Variants in BBS2 observed in about 807,000 individuals in gnomAD.
BBS2 encodes BBSome complex member BBS2.
A neutral mutation model predicts 83.0 loss-of-function variants in BBS2; 62 were observed. That is an observed-to-expected ratio of 0.75 (90% CI 0.61 to 0.92). BBS2 has a LOEUF of 0.92. Among genes scored for constraint, BBS2 ranks in the 40% least tolerant of loss-of-function variants. BBS2 has a pLI of 0.00. For synonymous variants in BBS2, 303 were observed against 326.1 expected, an observed-to-expected ratio of 0.93 and a Z score of 0.76; for missense variants, 784 against 901.0, an observed-to-expected ratio of 0.87 and a Z score of 1.66.
downstream of BBS2, among the ~76,000 whole-genome samples, chr16:56,479,473 G>A (rs927467177): frequency 3.3e-5 from 5 of 151,978 alleles, no homozygotes; most frequent in Admixed American, 6.6e-5. Context: ...ACAAGAATCC[G>A]TCTCAAAAAA....
intron 1 of BBS2, among the ~76,000 whole-genome samples, chr16:56,516,597 C>T (rs553644224): frequency 7.4e-4 from 112 of 152,088 alleles, no homozygotes; most frequent in Admixed American, 1.3e-3. Context: ...GGGTTTCAGT[C>T]GGCCAGGTTG....
chr16:56,498,739 C>G, intron 12 of BBS2, 171 bp from the exon 13 acceptor site: 3 of 1,504,106 alleles, frequency 2.0e-6, no homozygotes, highest in Non-Finnish European at 2.7e-6. Flanking sequence ...TCATCCCACA[C>G]CAAGAAAATA....
chr16:56,470,487 G>C (rs1164727630), exon 18 of BBS2: 2 of 1,597,390 alleles, frequency 1.3e-6, no homozygotes, highest in East Asian at 2.2e-5. Context: ...TGTTTTTCAG[G>C]TTTTATGAGA....
Position 56,504,128 on chromosome 16 carries a change from T to A in BBS2, c.805-1320A>T, listed in dbSNP as rs79133890. Among the ~76,000 whole-genome samples, 5 of 152,236 alleles carry A rather than the reference T, an allele frequency of 3.3e-5. No individual in the cohort carries two copies. The East Asian group carries it at 9.7e-4, about 29-fold the overall frequency. ...CAGCCTACCCCTTGTCTACAGTATA[T>A]CACTGTCAAGTATTAATGCTATTAA... On this transcript the variant is annotated intron_variant, in intron 7 of 16. Coordinates refer to ENST00000245157, the MANE Select transcript of BBS2 (RefSeq NM_031885.5).
In BBS2 at chr16:56,506,223, A is replaced by G. The variant is rs1208235962; in HGVS notation, c.614T>C (p.Ile205Thr). ...EIVAEMTETE[I>T]VTSLCPMYGS... ...ATACATGGGACAAAGAGAGGTGACTATCTGCAAAACAATCCACAAAAACAC... is the reference window on the plus strand; with the variant it reads ...ATACATGGGACAAAGAGAGGTGACTGTCTGCAAAACAATCCACAAAAACAC... The change falls in exon 6 of 17, where the codon ATA becomes ACA. Residue 205 changes from isoleucine to threonine, a missense_variant and splice_region_variant. Transcript: ENST00000245157. 1 of 1,611,456 alleles carries G rather than the reference A, an allele frequency of 6.2e-7. No homozygotes were observed. Among genetic ancestry groups the G allele is most frequent in the Non-Finnish European group, 8.5e-7 (1 of 1,177,886 alleles).
chr16:56,476,116 A>G, intron 17 of BBS2: 1 of 1,613,958 alleles, frequency 6.2e-7, no homozygotes. Context: ...GAAATTTGTC[A>G]AGCATATTAA....
chr16:56,471,108 T>C (rs1235437893), intron 17 of BBS2, among the ~76,000 whole-genome samples: 1 of 151,882 alleles, frequency 6.6e-6, no homozygotes, highest in African/African-American at 2.4e-5. Context: ...TCCCAGCACT[T>C]TTGGAGGCGG....
intron 17 of BBS2, among the ~76,000 whole-genome samples, chr16:56,474,370 G>A (rs1963354623): frequency 6.7e-6 from 1 of 148,864 alleles, no homozygotes; most frequent in African/African-American, 2.5e-5. Flanking sequence ...GCCCAGGCTG[G>A]AGTGTAATGG....
intron 17 of BBS2, among the ~76,000 whole-genome samples, chr16:56,472,876 AC>A (rs1367092239): frequency 1.3e-5 from 2 of 152,054 alleles, no homozygotes; most frequent in Non-Finnish European, 2.9e-5. Flanking sequence ...AGGTTTGCAC[AC>A]CCTCCTCACT....
At chr16:56,474,703 A>C (rs1963374539) in intron 17 of BBS2, 3 of 688,364 alleles carry the variant, frequency 4.4e-6, no homozygotes, top group Non-Finnish European at 7.1e-6. Flanking sequence ...ATAGCACTTC[A>C]ATCAAAGGTT....
At chr16:56,488,267 G>A (rs780463820) in intron 15 of BBS2, among the ~76,000 whole-genome samples, 5 of 152,078 alleles carry the variant, frequency 3.3e-5, no homozygotes, top group Non-Finnish European at 5.9e-5. Context: ...GTTCCGACAC[G>A]ATTCCCCCGG....
chr16:56,511,381 G>A, intron 2 of BBS2, 97 bp from the exon 3 acceptor site: 6 of 1,521,614 alleles, frequency 3.9e-6, no homozygotes, highest in Non-Finnish European at 5.4e-6. Context: ...CAGATTTTGA[G>A]TAAAACAGAT....
rs1047075022 is a variant in BBS2, at chr16:56,506,119, C to T, written c.717+1G>A. 20 of 1,613,088 alleles carry T rather than the reference C, an allele frequency of 1.2e-5. No homozygotes were observed. Among genetic ancestry groups the T allele is most frequent in the Non-Finnish European group, 1.5e-5 (18 of 1,179,198 alleles). ...AATATCAAAGGCTAAATTATACTAA[C>T]TTTAATTCTCCAGTATCGGGATGTT... On this transcript the variant is annotated splice_donor_variant, in intron 6 of 16. Transcript: ENST00000245157. LOFTEE classifies it high-confidence loss of function.
chr16:56,475,085 A>T (rs1963396458), intron 17 of BBS2: 1 of 912,744 alleles, frequency 1.1e-6, no homozygotes, highest in South Asian at 1.7e-5. Context: ...TCTCAAAGTC[A>T]AAGGGATTTT....
chr16:56,511,042 T>C, intron 3 of BBS2, 117 bp downstream of exon 3: 3 of 1,566,784 alleles, frequency 1.9e-6, no homozygotes, highest in Admixed American at 1.7e-5. Context: ...ATTATTCATA[T>C]CCTTTTTTAA....
chr16:56,507,798 T>C (rs955850416), intron 5 of BBS2, among the ~76,000 whole-genome samples: 1 of 151,910 alleles, frequency 6.6e-6, no homozygotes, highest in African/African-American at 2.4e-5. Flanking sequence ...CGAAACCCCA[T>C]CTCTACTAAA....
chr16:56,503,498 A>G lies in BBS2; in HGVS notation c.805-690T>C, dbSNP rs1597017545. Reference sequence around the variant, plus strand: ...AGAGTTCCTCTTCCACATAAAAACTATTCAGATACTTTAGAGAGCTCTCCT... The same window carrying G: ...AGAGTTCCTCTTCCACATAAAAACTGTTCAGATACTTTAGAGAGCTCTCCT... On this transcript the variant is annotated intron_variant, in intron 7 of 16. Transcript: ENST00000245157. Among the ~76,000 whole-genome samples, 4 of 152,218 alleles carry G rather than the reference A, an allele frequency of 2.6e-5. No individual in the cohort carries two copies. The East Asian group carries it at 7.7e-4, about 29-fold the overall frequency.
At chr16:56,507,770 C>T (rs1442731980) in intron 5 of BBS2, among the ~76,000 whole-genome samples, 3 of 152,090 alleles carry the variant, frequency 2.0e-5, no homozygotes, top group African/African-American at 7.2e-5. Context: ...GAGTTCAAGA[C>T]CAGTCTGGCC....
At chr16:56,485,936 A>G (rs554540164) in intron 15 of BBS2, among the ~76,000 whole-genome samples, 198 bp from the exon 16 acceptor site, 1 of 152,334 alleles carries the variant, frequency 6.6e-6, no homozygotes, top group African/African-American at 2.4e-5. Flanking sequence ...AATAAACAGA[A>G]GACAAGTGGC....
Sources: gnomAD v4.1 joint callset for allele counts (sites outside exome capture counted in the v4.1 genomes callset) on GRCh38, gnomAD v4.1.1 for gene constraint, MANE v1.5 for transcripts, NCBI Gene and HGNC (gene_info 2026-07-23, HGNC 2026-07-21) for gene names.